The following ERC1 variants were observed in gnomAD, a reference collection of about 807,000 sequenced individuals.
ERC1 encodes RAB6 interacting protein 2.
In ERC1, 56 loss-of-function variants were observed where a neutral mutation model predicts 132.0. The observed-to-expected ratio is 0.42, with a 90% confidence interval of 0.34 to 0.53. The LOEUF (loss-of-function observed/expected upper bound fraction) is 0.53. Ranked by LOEUF, ERC1 falls within the 20% of genes least tolerant of loss-of-function variation. ERC1 has a pLI of 0.03. For synonymous variants in ERC1, 478 were observed against 476.1 expected, an observed-to-expected ratio of 1.00 and a Z score of -0.05; for missense variants, 1,202 against 1,349.9, an observed-to-expected ratio of 0.89 and a Z score of 1.72.
chr12:1,462,718 G>A (rs1421924770), intron 18 of ERC1, among the ~76,000 whole-genome samples: 1 of 152,090 alleles, frequency 6.6e-6, no homozygotes. Flanking sequence ...TAATGAAAAT[G>A]TCCTATATTT....
Position 1,182,119 on chromosome 12 carries a change from G to A in ERC1, c.2016+54G>A. 7 of 1,533,454 alleles carry A rather than the reference G, an allele frequency of 4.6e-6. No homozygotes were observed. In the South Asian group the frequency reaches 8.4e-5, roughly 19 times the overall value. The allele number at this position is 1,533,454 out of a possible 1,614,324, so 95.0% of individuals were successfully genotyped here. A position where few individuals can be genotyped will look rare whatever the true frequency, so the allele number is the denominator to read the frequency against. ...GTTTGCTTAATCATTGCATGTGTCT[G>A]TATGTTGGTGTTTACATAATGCATA... On this transcript the variant is annotated intron_variant, in intron 10 of 18. Transcript: ENST00000360905.
chr12:1,348,709 A>G (rs1411637554), intron 15 of ERC1, among the ~76,000 whole-genome samples: 4 of 151,804 alleles, frequency 2.6e-5, no homozygotes, highest in African/African-American at 9.7e-5. Context: ...AAAAAAAAGT[A>G]TAATGTCTCA....
In ERC1 at chr12:1,083,388, A is replaced by G. The variant is rs971120393; in HGVS notation, c.894A>G (p.Gln298=). 6.2e-6 allele frequency: 10 copies of G among 1,614,050 alleles called. No homozygotes were observed. Among genetic ancestry groups the G allele is most frequent in the Middle Eastern group, 1.6e-4 (1 of 6,082 alleles). The part of the protein sequence containing the change: ...LEEMELRIET[Q]KQTLNARDES... ...AAATGGAGCTGCGTATTGAGACTCA[A>G]AAGCAGACCCTAAATGCTCGGGATG... Residue 298 remains glutamine (Q), a synonymous_variant, in exon 3 of 19, where the codon CAA becomes CAG. Coordinates refer to ENST00000360905, the MANE Select transcript of ERC1 (RefSeq NM_178040.4).
At chr12:1,292,768 T>C (rs1289091038) in intron 15 of ERC1, among the ~76,000 whole-genome samples, 5 of 152,298 alleles carry the variant, frequency 3.3e-5, no homozygotes, top group South Asian at 2.1e-4. Flanking sequence ...CCCAACACTT[T>C]GGGAGGCCGA....
intron 2 of ERC1, among the ~76,000 whole-genome samples, chr12:1,060,329 C>T (rs1231158529): frequency 2.0e-5 from 3 of 146,956 alleles, no homozygotes; most frequent in Non-Finnish European, 3.0e-5. Context: ...CTCCCCCCTT[C>T]CCCCACCCCA....
intron 13 of ERC1, among the ~76,000 whole-genome samples, chr12:1,255,545 TA>T (rs1471047187): frequency 6.6e-6 from 1 of 150,844 alleles, no homozygotes; most frequent in Non-Finnish European, 1.5e-5. Flanking sequence ...ATGGTTGAAC[TA>T]ATTTACACTC....
intron 7 of ERC1, among the ~76,000 whole-genome samples, chr12:1,123,373 A>G (rs1314573955): frequency 6.6e-6 from 1 of 152,328 alleles, no homozygotes; most frequent in East Asian, 1.9e-4. Flanking sequence ...AGATAAGTAC[A>G]AATCATGGGA....
At chr12:1,163,206 C>A (rs1455155831) in intron 8 of ERC1, among the ~76,000 whole-genome samples, 1 of 152,046 alleles carries the variant, frequency 6.6e-6, no homozygotes, top group Admixed American at 6.5e-5. Flanking sequence ...GATGCTGATC[C>A]TATACAAGTG....
intron 15 of ERC1, among the ~76,000 whole-genome samples, chr12:1,295,859 C>A (rs1439332432): frequency 6.6e-6 from 1 of 152,226 alleles, no homozygotes; most frequent in Admixed American, 6.5e-5. Context: ...ATCACTGCTC[C>A]TCAGAAGAAA....
chr12:1,015,308 C>T (rs1965343836), intron 1 of ERC1, among the ~76,000 whole-genome samples: 1 of 152,140 alleles, frequency 6.6e-6, no homozygotes, highest in Non-Finnish European at 1.5e-5. Context: ...ATCTGCCCAC[C>T]TCAGCCTTTT....
chr12:1,467,071 A>T (rs1332490405), intron 18 of ERC1, among the ~76,000 whole-genome samples: 1 of 152,214 alleles, frequency 6.6e-6, no homozygotes, highest in African/African-American at 2.4e-5. Flanking sequence ...GATTGATGGG[A>T]TTTCTCATGG....
intron 15 of ERC1, among the ~76,000 whole-genome samples, chr12:1,351,328 T>G (rs1287005320): frequency 6.6e-6 from 1 of 152,234 alleles, no homozygotes; most frequent in Non-Finnish European, 1.5e-5. Flanking sequence ...GAGTAAATAC[T>G]AAGGAGTGCG....
chr12:1,245,163 A>G (rs948164716), intron 13 of ERC1, among the ~76,000 whole-genome samples: 3 of 152,244 alleles, frequency 2.0e-5, no homozygotes, highest in Admixed American at 2.0e-4. Flanking sequence ...AAGAATACTT[A>G]TAACATGATC....
intron 15 of ERC1, among the ~76,000 whole-genome samples, chr12:1,337,665 A>G (rs2083427478): frequency 6.6e-6 from 1 of 152,146 alleles, no homozygotes; most frequent in East Asian, 1.9e-4. Flanking sequence ...TGCGTTTTTG[A>G]AGTGGCTGGT....
chr12:1,421,602 T>C (rs928132900), intron 17 of ERC1, among the ~76,000 whole-genome samples: 23 of 152,116 alleles, frequency 1.5e-4, no homozygotes, highest in African/African-American at 5.3e-4. Context: ...CTGAAAAATA[T>C]CTTAAAGACC....
intron 1 of ERC1, among the ~76,000 whole-genome samples, chr12:1,025,280 C>T (rs1356906871): frequency 2.0e-5 from 3 of 152,100 alleles, no homozygotes; most frequent in Admixed American, 2.0e-4. Flanking sequence ...AAACATTTTT[C>T]CCCTTTATAA....
At chr12:1,248,914 G>A (rs931285239) in intron 13 of ERC1, among the ~76,000 whole-genome samples, 1 of 152,062 alleles carries the variant, frequency 6.6e-6, no homozygotes, top group Admixed American at 6.6e-5. Context: ...AGACAGACTC[G>A]CTCTGTCACT....
intron 1 of ERC1, among the ~76,000 whole-genome samples, chr12:1,017,608 C>T (rs1300374306): frequency 6.6e-6 from 1 of 150,774 alleles, no homozygotes; most frequent in Non-Finnish European, 1.5e-5. Flanking sequence ...AAGCGATTCT[C>T]ATGCCTCAGC....
chr12:1,400,908 ATTTTTGTATTTTTTTTT>A lies in ERC1; in HGVS notation c.2926-7235_2926-7219del, dbSNP rs2090971656. Reference sequence around the variant, plus strand: ...CTTCTCATTCAATATTGTTTTGGCTATTTTTGTATTTTTTTTTTTTTTTTTTTTTTTTTTTTTTTTTT... The same window carrying A: ...CTTCTCATTCAATATTGTTTTGGCTATTTTTTTTTTTTTTTTTTTTTTTTT... On this transcript the variant is annotated intron_variant, in intron 16 of 18. Transcript: ENST00000360905. Among the ~76,000 whole-genome samples the A allele has an allele frequency of 6.9e-5, 3 of 43,406 alleles. 1 individual carries two copies. The highest frequency in any genetic ancestry group is 6.7e-5 in the African/African-American group (1 of 15,006). 28.5% of individuals were successfully genotyped at this position (43,406 alleles called of 152,430 possible).
Sources: allele counts gnomAD v4.1 joint callset (sites outside exome capture counted in the v4.1 genomes callset), GRCh38; gene constraint gnomAD v4.1.1; transcripts MANE v1.5; gene names NCBI Gene and HGNC (gene_info 2026-07-23, HGNC 2026-07-21).